The following TACC2 variants were observed in gnomAD, a reference collection of about 807,000 sequenced individuals.
TACC2 encodes the protein transforming acidic coiled-coil containing protein 2.
In TACC2, 137 loss-of-function variants were observed where a neutral mutation model predicts 227.3. That is an observed-to-expected ratio of 0.60 (90% CI 0.52 to 0.69). The LOEUF (loss-of-function observed/expected upper bound fraction) is 0.69, where lower values mean the gene tolerates loss of function less well. TACC2 is among the 30% of genes least tolerant of loss of function. The pLI is 0.00. For synonymous variants in TACC2, 1,523 were observed against 1,487.5 expected (o/e 1.02, Z -0.55); for missense variants, 3,470 against 3,694.4 (o/e 0.94, Z 1.57).
intron 7 of TACC2, chr10:122,164,137 T>G: frequency 1.0e-6 from 1 of 959,268 alleles, no homozygotes; most frequent in Non-Finnish European, 1.6e-6. Context: ...AAGCTTTACC[T>G]GGGGCTGCTC....
chr10:121,990,390 TTA>T (rs1275031034), intron 1 of TACC2, among the ~76,000 whole-genome samples: 1 of 152,166 alleles, frequency 6.6e-6, no homozygotes, highest in South Asian at 2.1e-4. Context: ...AGTGCTGGGA[TTA>T]TAGGTATGAG....
intron 5 of TACC2, among the ~76,000 whole-genome samples, chr10:122,120,586 G>A (rs974162327): frequency 7.9e-5 from 12 of 152,224 alleles, no homozygotes; most frequent in African/African-American, 2.2e-4. Flanking sequence ...AGGGTCCTTC[G>A]CTGAGAGAGT....
intron 2 of TACC2, among the ~76,000 whole-genome samples, chr10:122,044,313 C>T (rs1479497079): frequency 6.6e-6 from 1 of 152,326 alleles, no homozygotes; most frequent in Middle Eastern, 3.4e-3. Flanking sequence ...TCTTTTGTAC[C>T]CCCTTGGAGG....
At chr10:122,190,712 G>A (rs1322323) in intron 7 of TACC2, among the ~76,000 whole-genome samples, 98,403 of 151,852 alleles carry the variant, frequency 0.65, 33,046 homozygotes, top group East Asian at 0.84. Context: ...GGCTGTTTGT[G>A]ATGACTCATG....
At chr10:122,048,610 G>A (rs918494447) in intron 2 of TACC2, among the ~76,000 whole-genome samples, 13 of 151,996 alleles carry the variant, frequency 8.6e-5, no homozygotes, top group African/African-American at 2.9e-4. Flanking sequence ...TTCCCACCTC[G>A]CCTTCCCAAA....
intron 1 of TACC2, among the ~76,000 whole-genome samples, chr10:122,014,180 AC>A (rs1956272491): frequency 6.6e-6 from 1 of 151,758 alleles, no homozygotes; most frequent in South Asian, 2.1e-4. Context: ...AAGCTGCAAA[AC>A]CTCTCTAAGC....
At chr10:122,016,600 A>C (rs10887044) in intron 1 of TACC2, among the ~76,000 whole-genome samples, 36,731 of 150,404 alleles carry the variant, frequency 0.24, 4,602 homozygotes, top group South Asian at 0.44. Flanking sequence ...GTCCCTGCAC[A>C]CCTGAGGCCT....
intron 2 of TACC2, among the ~76,000 whole-genome samples, chr10:122,048,309 G>T (rs1041029496): frequency 7.2e-5 from 11 of 152,026 alleles, no homozygotes; most frequent in African/African-American, 2.4e-4. Flanking sequence ...GCACACCCCT[G>T]CAGCCATGGG....
intron 5 of TACC2, among the ~76,000 whole-genome samples, chr10:122,131,792 C>T (rs1044209814): frequency 5.3e-5 from 8 of 151,920 alleles, no homozygotes; most frequent in East Asian, 1.9e-4. Flanking sequence ...GAGGCCAAGG[C>T]GGGCAGACCA....
intron 3 of TACC2, among the ~76,000 whole-genome samples, chr10:122,077,931 A>G (rs1265506021): frequency 6.6e-6 from 1 of 152,050 alleles, no homozygotes; most frequent in Non-Finnish European, 1.5e-5. Flanking sequence ...TCAGTGGCTC[A>G]CTCCTGTAAT....
chr10:122,004,855 A>G (rs990591632), intron 1 of TACC2, among the ~76,000 whole-genome samples: 3 of 152,122 alleles, frequency 2.0e-5, no homozygotes, highest in Non-Finnish European at 4.4e-5. Context: ...GGCACTTACA[A>G]TTATTATTAT....
At chr10:122,215,670 GAA>G (rs1169856667) in intron 10 of TACC2, among the ~76,000 whole-genome samples, 1 of 152,116 alleles carries the variant, frequency 6.6e-6, no homozygotes, top group Non-Finnish European at 1.5e-5. Context: ...AGACGTTCAG[GAA>G]AAACATTAGT....
chr10:122,248,831 G>A (rs777985981), intron 20 of TACC2, 28 bp downstream of exon 20: 1 of 1,613,600 alleles, frequency 6.2e-7, no homozygotes, highest in Non-Finnish European at 8.5e-7. Context: ...GGCCACGGAG[G>A]AGGAGGATCT....
At chr10:122,223,387 CT>C (rs1216442080) in intron 11 of TACC2, among the ~76,000 whole-genome samples, 1 of 152,112 alleles carries the variant, frequency 6.6e-6, no homozygotes, top group Non-Finnish European at 1.5e-5. Flanking sequence ...CAAATTAATG[CT>C]TCTGTCTTAA....
At chr10:122,122,854 T>C (rs778079811) in intron 5 of TACC2, among the ~76,000 whole-genome samples, 4 of 152,222 alleles carry the variant, frequency 2.6e-5, no homozygotes, top group Non-Finnish European at 5.9e-5. Context: ...CATTAATTCT[T>C]TTATTGTAAT....
chr10:122,033,886 T>C (rs1420788389), intron 2 of TACC2, among the ~76,000 whole-genome samples: 1 of 152,084 alleles, frequency 6.6e-6, no homozygotes, highest in Non-Finnish European at 1.5e-5. Flanking sequence ...GTGCGGGGGC[T>C]CATGCCTGTA....
At chr10:122,203,515 C>A (rs1181910800) in intron 8 of TACC2, among the ~76,000 whole-genome samples, 3 of 151,324 alleles carry the variant, frequency 2.0e-5, no homozygotes, top group Admixed American at 6.6e-5. Context: ...CTCCTCACTT[C>A]TCAGACGGGG....
chr10:122,243,332 T>C (rs1378820596), intron 19 of TACC2, among the ~76,000 whole-genome samples: 3 of 152,222 alleles, frequency 2.0e-5, no homozygotes, highest in East Asian at 1.9e-4. Flanking sequence ...AGTTTGACAC[T>C]GTGCTGGCAC....
At chr10:122,027,807 G>T (rs1270177165) in intron 2 of TACC2, among the ~76,000 whole-genome samples, 7 of 150,882 alleles carry the variant, frequency 4.6e-5, no homozygotes, top group Non-Finnish European at 8.8e-5. Context: ...GCAATGGAGT[G>T]ATCTCGGCTC....
Sources: gnomAD v4.1 joint callset for allele counts (sites outside exome capture counted in the v4.1 genomes callset) on GRCh38, gnomAD v4.1.1 for gene constraint, MANE v1.5 for transcripts, NCBI Gene and HGNC (gene_info 2026-07-23, HGNC 2026-07-21) for gene names.